SNX9: variants seen among roughly 807,000 people sequenced by gnomAD.
The protein encoded by SNX9 is sorting nexin-9.
SNX9 carries 44 observed loss-of-function variants against 89.4 expected under a neutral mutation model. The ratio of observed to expected loss-of-function variants is 0.49; its 90% CI spans 0.39 to 0.63. SNX9 has a LOEUF of 0.63. SNX9 is among the 30% of genes least tolerant of loss of function. SNX9 has a pLI of 0.00. For synonymous variants in SNX9, 236 were observed against 247.8 expected (o/e 0.95, Z 0.45); for missense variants, 578 against 736.1 (o/e 0.79, Z 2.49).
chr6:157,894,000 T>C (rs777058820), intron 4 of SNX9, among the ~76,000 whole-genome samples: 2 of 151,706 alleles, frequency 1.3e-5, no homozygotes, highest in African/African-American at 4.8e-5. Context: ...TTTCAAATCA[T>C]GGGGGAAAGA....
intron 1 of SNX9, among the ~76,000 whole-genome samples, chr6:157,826,174 G>C (rs1450720708): frequency 6.6e-6 from 1 of 152,054 alleles, no homozygotes; most frequent in South Asian, 2.1e-4. Context: ...TTTAGAAGAA[G>C]AACTTTAGTT....
intron 1 of SNX9, among the ~76,000 whole-genome samples, chr6:157,852,799 C>A (rs547194288): frequency 6.6e-6 from 1 of 152,210 alleles, no homozygotes; most frequent in Admixed American, 6.5e-5. Flanking sequence ...GTCTTAAATT[C>A]CTGAGTTTGT....
intron 1 of SNX9, chr6:157,829,140 G>A (rs1039497628): frequency 7.3e-6 from 1 of 137,690 alleles, no homozygotes; most frequent in African/African-American, 3.6e-5. Flanking sequence ...TGCAGCTTAG[G>A]TATTGGCAAT....
intron 1 of SNX9, among the ~76,000 whole-genome samples, chr6:157,855,414 T>C (rs1404872634): frequency 6.6e-6 from 1 of 152,216 alleles, no homozygotes; most frequent in Non-Finnish European, 1.5e-5. Context: ...TCCTAGACTT[T>C]CTCGTTAAGA....
At chr6:157,833,455 G>T (rs1781512880) in intron 1 of SNX9, among the ~76,000 whole-genome samples, 1 of 152,038 alleles carries the variant, frequency 6.6e-6, no homozygotes, top group Non-Finnish European at 1.5e-5. Flanking sequence ...ATGCATTCAG[G>T]ATTACAAATA....
chr6:157,909,490 A>G (rs1381943805), intron 7 of SNX9, among the ~76,000 whole-genome samples, 175 bp from the exon 8 acceptor site: 1 of 152,214 alleles, frequency 6.6e-6, no homozygotes, highest in Non-Finnish European at 1.5e-5. Flanking sequence ...TTCTTTAAAC[A>G]TAATATCTAA....
chr6:157,923,099 TCAA>T (rs1198125052), intron 10 of SNX9, among the ~76,000 whole-genome samples: 3 of 152,210 alleles, frequency 2.0e-5, no homozygotes, highest in African/African-American at 7.2e-5. Flanking sequence ...CAAAGAGGGA[TCAA>T]CGTGTCATAA....
intron 14 of SNX9, 65 bp from the exon 15 acceptor site, chr6:157,937,369 A>C: frequency 9.0e-7 from 1 of 1,107,408 alleles, no homozygotes. Context: ...TGGGTATAAT[A>C]GTTCTCTTTT....
chr6:157,825,713 G>C (rs1781330323), intron 1 of SNX9, among the ~76,000 whole-genome samples: 3 of 152,138 alleles, frequency 2.0e-5, no homozygotes, highest in Non-Finnish European at 2.9e-5. Context: ...ATTAAAAGAA[G>C]ACCCTTCCTT....
At chr6:157,877,108 T>G (rs1254642664) in intron 4 of SNX9, among the ~76,000 whole-genome samples, 1 of 152,232 alleles carries the variant, frequency 6.6e-6, no homozygotes, top group Admixed American at 6.5e-5. Context: ...AGCTATTATC[T>G]CAAGATAGGT....
intron 17 of SNX9, 32 bp downstream of exon 17, chr6:157,941,006 G>A (rs1784025610): frequency 1.3e-6 from 2 of 1,576,926 alleles, no homozygotes; most frequent in Non-Finnish European, 1.7e-6. Flanking sequence ...TTTCGCATGT[G>A]CTTGAGGAGA....
chr6:157,894,357 G>A (rs533185666), intron 4 of SNX9, among the ~76,000 whole-genome samples: 4 of 149,560 alleles, frequency 2.7e-5, no homozygotes, highest in South Asian at 2.1e-4. Context: ...TGATCCTCCC[G>A]CCTCGGCCTC....
intron 9 of SNX9, among the ~76,000 whole-genome samples, chr6:157,911,289 T>C (rs181089523): frequency 1.3e-5 from 2 of 152,028 alleles, no homozygotes; most frequent in Non-Finnish European, 2.9e-5. Context: ...CTGTAAGAGA[T>C]GTAAAAGAGA....
chr6:157,909,379 T>C (rs768698778), intron 7 of SNX9, among the ~76,000 whole-genome samples: 2 of 152,194 alleles, frequency 1.3e-5, no homozygotes, highest in Non-Finnish European at 2.9e-5. Flanking sequence ...GAAAGAAACA[T>C]TGTCTTGTAA....
intron 1 of SNX9, among the ~76,000 whole-genome samples, chr6:157,864,502 A>T (rs777377936): frequency 2.6e-5 from 4 of 152,194 alleles, no homozygotes; most frequent in Non-Finnish European, 5.9e-5. Context: ...AGTAAACAAG[A>T]GGCTTAGGTA....
At chr6:157,886,265 G>A (rs1262618659) in intron 4 of SNX9, among the ~76,000 whole-genome samples, 1 of 151,828 alleles carries the variant, frequency 6.6e-6, no homozygotes, top group Non-Finnish European at 1.5e-5. Flanking sequence ...AGTTCCCCAA[G>A]GATGTCATAT....
intron 9 of SNX9, among the ~76,000 whole-genome samples, chr6:157,920,625 G>C (rs1305488390): frequency 6.6e-6 from 1 of 152,194 alleles, no homozygotes; most frequent in Non-Finnish European, 1.5e-5. Flanking sequence ...TTCGCCTTTT[G>C]TTGATTTCTA....
intron 4 of SNX9, among the ~76,000 whole-genome samples, chr6:157,879,646 C>A (rs546183337): frequency 1.3e-5 from 2 of 152,302 alleles, no homozygotes; most frequent in Admixed American, 1.3e-4. Flanking sequence ...GAGTATTTCA[C>A]GTTAGTGGCT....
chr6:157,829,840 C>A (rs1196984408), intron 1 of SNX9, among the ~76,000 whole-genome samples: 2 of 152,062 alleles, frequency 1.3e-5, no homozygotes, highest in Non-Finnish European at 2.9e-5. Flanking sequence ...TTGGTGCCTG[C>A]CTGTACAGCA....
Sources: allele counts gnomAD v4.1 joint callset (sites outside exome capture counted in the v4.1 genomes callset), GRCh38; gene constraint gnomAD v4.1.1; transcripts MANE v1.5; gene names NCBI Gene and HGNC (gene_info 2026-07-23, HGNC 2026-07-21).